Variants in GRB10 observed in about 807,000 individuals in gnomAD.
GRB10 encodes growth factor receptor-bound protein 10.
Under a neutral mutation model 80.9 loss-of-function variants are expected in GRB10, and 20 were observed. The ratio of observed to expected loss-of-function variants is 0.25; its 90% CI spans 0.17 to 0.36. GRB10 has a LOEUF of 0.36. Among genes scored for constraint, GRB10 ranks in the 10% least tolerant of loss-of-function variants. The pLI is 1.00. For synonymous variants in GRB10, 291 were observed against 291.5 expected (o/e 1.00, Z 0.02); for missense variants, 548 against 747.7 (o/e 0.73, Z 3.12).
At chr7:50,658,544 G>A (rs879820111) in intron 7 of GRB10, among the ~76,000 whole-genome samples, 4 of 152,128 alleles carry the variant, frequency 2.6e-5, no homozygotes, top group African/African-American at 4.8e-5. Flanking sequence ...GGCCACAGGT[G>A]GGCAAGGCAC....
At chr7:50,727,890 G>A (rs1587562100) in intron 4 of GRB10, 1 of 152,258 alleles carries the variant, frequency 6.6e-6, no homozygotes, top group East Asian at 1.9e-4. Flanking sequence ...TCACAATGAC[G>A]CTGAAAACAG....
At chr7:50,745,781 T>C (rs1452954905) in intron 3 of GRB10, among the ~76,000 whole-genome samples, 1 of 152,168 alleles carries the variant, frequency 6.6e-6, no homozygotes, top group Non-Finnish European at 1.5e-5. Context: ...AAAACCCAAA[T>C]AACTCACAGA....
At chr7:50,611,963 G>C (rs147414595) in intron 13 of GRB10, among the ~76,000 whole-genome samples, 1 of 152,278 alleles carries the variant, frequency 6.6e-6, no homozygotes, top group East Asian at 1.9e-4. Flanking sequence ...CTTAATTCCA[G>C]ACATGTGGGA....
intron 3 of GRB10, among the ~76,000 whole-genome samples, chr7:50,733,824 G>A (rs1249923198): frequency 1.3e-5 from 2 of 152,182 alleles, no homozygotes; most frequent in African/African-American, 4.8e-5. Flanking sequence ...TTCTGTAGGT[G>A]TGGTTAATGT....
At chr7:50,690,390 C>G (rs1424473978) in intron 5 of GRB10, among the ~76,000 whole-genome samples, 1 of 152,046 alleles carries the variant, frequency 6.6e-6, no homozygotes, top group Non-Finnish European at 1.5e-5. Context: ...AAATATAATA[C>G]AGACATTGGA....
chr7:50,652,328 C>T (rs1384634801), intron 7 of GRB10, among the ~76,000 whole-genome samples: 3 of 152,138 alleles, frequency 2.0e-5, no homozygotes, highest in Non-Finnish European at 2.9e-5. Flanking sequence ...ATCAGGGCCA[C>T]GGTTATGGCA....
intron 8 of GRB10, among the ~76,000 whole-genome samples, chr7:50,624,060 T>G (rs2052405092): frequency 6.6e-6 from 1 of 152,210 alleles, no homozygotes; most frequent in African/African-American, 2.4e-5. Context: ...AGGCTTAAAA[T>G]GCTGTCCAAC....
Position 50,755,951 on chromosome 7 carries a change from C to G in GRB10, c.-111G>C. 1 of 399,030 alleles carries G rather than the reference C, an allele frequency of 2.5e-6. No homozygotes were observed. The allele number at this position is 399,030 out of a possible 1,614,324, so 24.7% of individuals were successfully genotyped here. On this transcript the variant is annotated 5_prime_UTR_variant, in exon 3 of 19. Transcript: ENST00000401949. ...GCCACCCTGGCTTCACTGAGAGGAC[C>G]CAGGTGAGGACCTGGCTGCCGGTCA...
Position 50,606,396 on chromosome 7 carries a change from G to C in GRB10, c.1213C>G (p.Gln405Glu). Residue 405 changes from glutamine (Q) to glutamate (E), a missense_variant, in exon 14 of 19, where the codon CAG becomes GAG. Physicochemically the swap from Gln to Glu is conservative, Grantham distance 29. This residue lies in a region of GRB10 where 270 missense variants were observed against 433.6 expected (regional missense o/e 0.62). Coordinates refer to ENST00000401949, the MANE Select transcript of GRB10 (RefSeq NM_001350814.2). ...CTCTGCTGAGGGATTCGGTAATTCT[G>C]GTAAAGGAGCATTCCATACTGGAGA... ...RLLKYGMLLY[Q>E]NYRIPQQRKA... 1 of 1,613,998 alleles carries C rather than the reference G, an allele frequency of 6.2e-7. No homozygotes were observed. Among genetic ancestry groups the C allele is most frequent in the East Asian group, 2.2e-5 (1 of 44,882 alleles).
chr7:50,699,155 C>T (rs1476514745), intron 5 of GRB10, among the ~76,000 whole-genome samples: 2 of 152,160 alleles, frequency 1.3e-5, no homozygotes, highest in Non-Finnish European at 2.9e-5. Context: ...AGAATTCTTG[C>T]TCATTTTAAA....
chr7:50,734,950 C>T (rs535189914), intron 3 of GRB10, among the ~76,000 whole-genome samples: 10 of 152,214 alleles, frequency 6.6e-5, no homozygotes, highest in Admixed American at 3.9e-4. Context: ...TGGAAGTCCT[C>T]GCCAGAGCAC....
chr7:50,642,875 A>C (rs1012617646), intron 7 of GRB10, among the ~76,000 whole-genome samples: 7 of 152,234 alleles, frequency 4.6e-5, no homozygotes, highest in African/African-American at 7.2e-5. Context: ...ATATTCCTTC[A>C]AGCAGAATGC....
chr7:50,631,256 CA>C (rs2053945218), intron 7 of GRB10, among the ~76,000 whole-genome samples: 1 of 152,182 alleles, frequency 6.6e-6, no homozygotes, highest in Non-Finnish European at 1.5e-5. Flanking sequence ...CAAGGCTCAG[CA>C]GTAATCGCCT....
At chr7:50,607,689 C>T (rs1003016937) in intron 13 of GRB10, among the ~76,000 whole-genome samples, 2 of 152,212 alleles carry the variant, frequency 1.3e-5, no homozygotes, top group Admixed American at 6.5e-5. Flanking sequence ...CCCGCAGTCA[C>T]GACTTTGAAC....
chr7:50,726,809 T>C (rs2068727844), intron 4 of GRB10: 1 of 152,228 alleles, frequency 6.6e-6, no homozygotes, highest in African/African-American at 2.4e-5. Flanking sequence ...CTATGTTTTA[T>C]TATAATAATT....
chr7:50,742,269 GCGCA>G (rs1312349906), intron 3 of GRB10, among the ~76,000 whole-genome samples: 2,338 of 32,628 alleles, frequency 0.072, 42 homozygotes, highest in African/African-American at 0.081. Flanking sequence ...GCACGCGCGC[GCGCA>G]CACACACACA....
chr7:50,713,671 A>C (rs1324307357), intron 4 of GRB10, among the ~76,000 whole-genome samples: 45 of 61,112 alleles, frequency 7.4e-4, no homozygotes, highest in South Asian at 2.0e-3. Context: ...CTCCACCACC[A>C]CCTCCACCTC....
intron 1 of GRB10, among the ~76,000 whole-genome samples, chr7:50,790,271 C>T (rs1295665035): frequency 6.6e-6 from 1 of 152,214 alleles, no homozygotes; most frequent in Non-Finnish European, 1.5e-5. Flanking sequence ...CCCTAGAACT[C>T]CAAAGTACCT....
intron 2 of GRB10, among the ~76,000 whole-genome samples, chr7:50,770,371 C>T (rs1401493672): frequency 6.6e-6 from 1 of 152,216 alleles, no homozygotes. Flanking sequence ...ACAACAGACA[C>T]AAGAGAACAA....
Sources: gnomAD v4.1 joint callset for allele counts (sites outside exome capture counted in the v4.1 genomes callset) on GRCh38, gnomAD v4.1.1 for gene constraint, gnomAD v4.1.1 regional missense constraint, MANE v1.5 for transcripts, NCBI Gene and HGNC (gene_info 2026-07-23, HGNC 2026-07-21) for gene names.